FIBCD1: variants seen among roughly 807,000 people sequenced by gnomAD.
FIBCD1 encodes fibrinogen C domain containing 1, also known as fibrinogen C domain-containing protein 1.
FIBCD1 carries 47 observed loss-of-function variants against 45.1 expected under a neutral mutation model. The ratio of observed to expected loss-of-function variants is 1.04; its 90% CI spans 0.82 to 1.33. The LOEUF is 1.33. Ranked by LOEUF, FIBCD1 falls within the 40% of genes most tolerant of loss-of-function variation. The pLI is 0.00. For missense variants in FIBCD1, 653 were observed against 682.2 expected (o/e 0.96, Z 0.48); for synonymous variants, 313 against 308.1 (o/e 1.02, Z -0.17).
intron 1 of FIBCD1, chr9:130,938,264 G>T: frequency 2.6e-6 from 1 of 386,138 alleles, no homozygotes; most frequent in South Asian, 4.4e-5. Flanking sequence ...CTGCACCCGC[G>T]TGCACCAGGG....
chr9:130,914,566 G>A (rs1460078178), intron 4 of FIBCD1, among the ~76,000 whole-genome samples: 2 of 152,246 alleles, frequency 1.3e-5, no homozygotes, highest in African/African-American at 4.8e-5. Context: ...CCAGCAGCCA[G>A]TGGGCGTGCC....
At position 130,931,007 on chromosome 9, in the gene FIBCD1, T is replaced by C. The variant is rs532725686; in HGVS notation, c.73-961A>G. Among the ~76,000 whole-genome samples, 31 of 152,176 alleles carry C rather than the reference T, an allele frequency of 2.0e-4. No homozygotes were observed. In the Middle Eastern group the frequency reaches 0.01, roughly 50 times the overall value. ...GCTGTTCTCCAGTCCCCAGGGCACA[T>C]GGGGGCTCCTAGGCACCTCCTCCCC... On this transcript the variant is annotated intron_variant, in intron 1 of 6. Coordinates refer to ENST00000372338, the MANE Select transcript of FIBCD1 (RefSeq NM_032843.5).
At chr9:130,930,700 G>A in intron 1 of FIBCD1, 1 of 453,402 alleles carries the variant, frequency 2.2e-6, no homozygotes, top group Admixed American at 2.4e-5. Context: ...TCCCACCTCT[G>A]CAGCCAGACG....
intron 5 of FIBCD1, among the ~76,000 whole-genome samples, chr9:130,909,294 T>C (rs1326545366): frequency 7.7e-6 from 1 of 129,990 alleles, no homozygotes; most frequent in African/African-American, 2.9e-5. Flanking sequence ...CCCCCACAGC[T>C]TGTGGAACTC....
chr9:130,924,465 G>A (rs974432704), intron 2 of FIBCD1, 69 bp from the exon 3 acceptor site: 3 of 1,446,978 alleles, frequency 2.1e-6, no homozygotes, highest in Non-Finnish European at 1.9e-6. Flanking sequence ...CACATAGCAG[G>A]TCACTGGCCA....
chr9:130,909,679 T>C (rs1041834137), intron 5 of FIBCD1, among the ~76,000 whole-genome samples: 7 of 152,314 alleles, frequency 4.6e-5, no homozygotes, highest in Admixed American at 2.6e-4. Context: ...TGTGATTCTT[T>C]TAGGATGTTT....
intron 5 of FIBCD1, among the ~76,000 whole-genome samples, chr9:130,910,130 C>T (rs1325753672): frequency 6.6e-6 from 1 of 152,210 alleles, no homozygotes; most frequent in Non-Finnish European, 1.5e-5. Context: ...GGGAGAGGCG[C>T]GAGCGGGAAC....
rs1286107158 is a variant in FIBCD1, at chr9:130,922,516, G to A, written c.849+1228C>T. Among the ~76,000 whole-genome samples, 1 of 152,106 alleles carries A rather than the reference G, an allele frequency of 6.6e-6. No homozygotes were observed. The highest frequency in any genetic ancestry group is 1.9e-4 in the East Asian group (1 of 5,168). On this transcript the variant is annotated intron_variant, in intron 4 of 6. Transcript: ENST00000372338. This position sits in a 1 kb window ranked among gnomAD's most constrained non-coding sequence, Gnocchi z 4.5. ...AGGACTCAGAGCCATGCCTGGGGCAGCCTGTGGATGACAGGGCCAGAGCGT... is the reference window on the plus strand; with the variant it reads ...AGGACTCAGAGCCATGCCTGGGGCAACCTGTGGATGACAGGGCCAGAGCGT...
intron 5 of FIBCD1, among the ~76,000 whole-genome samples, chr9:130,910,862 T>C (rs1832024857): frequency 6.6e-6 from 1 of 152,178 alleles, no homozygotes; most frequent in Non-Finnish European, 1.5e-5. Context: ...ACACTGTATC[T>C]AGCTGCTCTG....
chr9:130,936,530 G>C (rs1271680930), intron 1 of FIBCD1, among the ~76,000 whole-genome samples: 2 of 152,254 alleles, frequency 1.3e-5, no homozygotes, highest in Non-Finnish European at 2.9e-5. Context: ...TGGGCTGTGT[G>C]GGGGCTGAAA....
intron 1 of FIBCD1, among the ~76,000 whole-genome samples, chr9:130,934,733 C>T (rs1381915386): frequency 6.6e-6 from 1 of 152,240 alleles, no homozygotes; most frequent in Non-Finnish European, 1.5e-5. Flanking sequence ...CTATTTTTCA[C>T]TCGGGGATGG....
intron 6 of FIBCD1, 58 bp from the exon 7 acceptor site, chr9:130,904,381 T>G: frequency 6.5e-7 from 1 of 1,542,182 alleles, no homozygotes. Flanking sequence ...CCACTGGTGT[T>G]GCATGTGTGA....
intron 5 of FIBCD1, 130 bp from the exon 6 acceptor site, chr9:130,905,543 T>C (rs1831912910): frequency 1.1e-6 from 1 of 948,350 alleles, no homozygotes. Context: ...GTGCGTGCAA[T>C]CAGCCCTGGG....
chr9:130,911,038 T>G (rs955999774), intron 5 of FIBCD1, among the ~76,000 whole-genome samples: 2 of 152,272 alleles, frequency 1.3e-5, no homozygotes, highest in South Asian at 4.2e-4. Flanking sequence ...TGGGGCCACA[T>G]AAGAGAATAA....
At chr9:130,936,741 A>G (rs1472653039) in intron 1 of FIBCD1, among the ~76,000 whole-genome samples, 1 of 152,208 alleles carries the variant, frequency 6.6e-6, no homozygotes, top group East Asian at 1.9e-4. Flanking sequence ...AGCTGCCTGG[A>G]AAGAATGGAG....
At chr9:130,919,373 A>G (rs1199150165) in intron 4 of FIBCD1, among the ~76,000 whole-genome samples, 1 of 152,140 alleles carries the variant, frequency 6.6e-6, no homozygotes, top group Middle Eastern at 3.2e-3. Context: ...GTCACAGCAG[A>G]TCCCCTGCCA....
intron 6 of FIBCD1, among the ~76,000 whole-genome samples, chr9:130,904,922 T>C (rs1831899754): frequency 6.6e-6 from 1 of 152,172 alleles, no homozygotes. Context: ...TTTTATGACA[T>C]GCAACTGAAT....
intron 4 of FIBCD1, among the ~76,000 whole-genome samples, chr9:130,916,077 T>C (rs1207624208): frequency 6.6e-6 from 1 of 152,174 alleles, no homozygotes; most frequent in Non-Finnish European, 1.5e-5. Flanking sequence ...TACAGGCACC[T>C]GCCACCATGC....
intron 4 of FIBCD1, among the ~76,000 whole-genome samples, chr9:130,914,286 T>C (rs956331721): frequency 1.3e-5 from 2 of 152,218 alleles, no homozygotes; most frequent in Non-Finnish European, 1.5e-5. Flanking sequence ...GAGCATCTCC[T>C]GCCAGGCACC....
Sources: allele counts gnomAD v4.1 joint callset (sites outside exome capture counted in the v4.1 genomes callset), GRCh38; gene constraint gnomAD v4.1.1; non-coding constraint Gnocchi (gnomAD v3.1); transcripts MANE v1.5; gene names NCBI Gene and HGNC (gene_info 2026-07-23, HGNC 2026-07-21).